Variants in ADA2 observed in about 807,000 individuals in gnomAD.
ADA2 encodes the protein adenosine deaminase CECR1.
ADA2 carries 29 observed loss-of-function variants against 44.2 expected under a neutral mutation model. The observed-to-expected ratio is 0.66, with a 90% CI of 0.49 to 0.89. The LOEUF is 0.89. ADA2 is among the 40% of genes least tolerant of loss of function. ADA2 has a pLI of 0.00. For missense variants in ADA2, 637 were observed against 644.8 expected (o/e 0.99, Z 0.13); for synonymous variants, 215 against 234.9 (o/e 0.92, Z 0.77).
intron 1 of ADA2, among the ~76,000 whole-genome samples, chr22:17,218,963 C>T (rs1297143089): frequency 6.6e-6 from 1 of 152,148 alleles, no homozygotes; most frequent in Non-Finnish European, 1.5e-5. Flanking sequence ...TCAAGACCAG[C>T]CTGGCCAACA....
intron 4 of ADA2, chr22:17,193,061 C>T: frequency 2.4e-6 from 2 of 824,824 alleles, no homozygotes; most frequent in Non-Finnish European, 4.0e-6. Context: ...AGGGCCAGAT[C>T]TCGATGCCCA....
At chr22:17,216,661 G>A (rs1175118959) in intron 1 of ADA2, among the ~76,000 whole-genome samples, 1 of 151,780 alleles carries the variant, frequency 6.6e-6, no homozygotes, top group East Asian at 1.9e-4. Context: ...TTGGGAGGCT[G>A]AGGCAGGAAA....
intron 1 of ADA2, among the ~76,000 whole-genome samples, chr22:17,210,491 G>T (rs942398699): frequency 6.6e-5 from 10 of 151,864 alleles, no homozygotes; most frequent in African/African-American, 2.2e-4. Context: ...CGCCCGGCAG[G>T]TTTTCCCAAA....
At chr22:17,204,742 C>G (rs968783474) in intron 3 of ADA2, among the ~76,000 whole-genome samples, 1 of 151,930 alleles carries the variant, frequency 6.6e-6, no homozygotes, top group African/African-American at 2.4e-5. Context: ...CCTGCCCTGG[C>G]ACCTTGATCT....
chr22:17,183,770 C>T (rs1440942121), intron 7 of ADA2, among the ~76,000 whole-genome samples: 1 of 151,768 alleles, frequency 6.6e-6, no homozygotes, highest in African/African-American at 2.4e-5. Flanking sequence ...CTCTGGGACT[C>T]TTATGCTTAT....
chr22:17,200,882 C>CAAA (rs3078427), intron 4 of ADA2, among the ~76,000 whole-genome samples: 176 of 119,284 alleles, frequency 1.5e-3, no homozygotes, highest in African/African-American at 5.2e-3. Context: ...AACTCTGCCT[C>CAAA]AAAAAAAAAA....
rs1295634091 is a variant in ADA2 at position 17,180,478 on chromosome 22, C to G, written c.*1005G>C. On this transcript the variant is annotated 3_prime_UTR_variant, in exon 10 of 10. Transcript: ENST00000399837. ...ACTGCGTGGAATGGATGGAGGTGTC[C>G]TTCACCAGCTATGGGAAAGGCCAGG... The G allele has an allele frequency of 6.6e-6, 1 of 152,262 alleles. No homozygotes were observed. The highest frequency in any genetic ancestry group is 2.4e-5 in the African/African-American group (1 of 41,412). 9.4% of individuals were successfully genotyped at this position (152,262 alleles called of 1,614,324 possible).
In ADA2 at chr22:17,184,983, AATATATATATAT is replaced by A. The variant is rs374170344; in HGVS notation, c.1082-2234_1082-2223del. On this transcript the variant is annotated intron_variant, in intron 7 of 9. Transcript: ENST00000399837. ...CTGGGTGACAGAGTGCCCATGTCAAAATATATATATATATATATATATATGAAAACTCCACTT... is the reference window on the plus strand; with the variant it reads ...CTGGGTGACAGAGTGCCCATGTCAAAATATATATATATGAAAACTCCACTT... Among the ~76,000 whole-genome samples, 486 of 78,744 alleles carry A rather than the reference AATATATATATAT, an allele frequency of 6.2e-3. 32 individuals are homozygous for A. The highest frequency in any genetic ancestry group is 9.2e-3 in the Non-Finnish European group (353 of 38,304). 51.7% of individuals were successfully genotyped at this position (78,744 alleles called of 152,430 possible). A position where few individuals can be genotyped will look rare whatever the true frequency, so the allele number is the denominator to read the frequency against.
intron 5 of ADA2, among the ~76,000 whole-genome samples, chr22:17,190,457 C>T (rs1164053861): frequency 2.0e-5 from 3 of 152,230 alleles, no homozygotes; most frequent in Non-Finnish European, 2.9e-5. Context: ...ACCCAAGTCC[C>T]TGATGGGTCG....
intron 6 of ADA2, chr22:17,188,681 C>T: frequency 3.1e-6 from 1 of 323,198 alleles, no homozygotes; most frequent in Non-Finnish European, 5.8e-6. Context: ...AGATCGAGAC[C>T]ATCCTGGCTA....
intron 7 of ADA2, among the ~76,000 whole-genome samples, chr22:17,186,733 G>A (rs1311752493): frequency 3.3e-5 from 5 of 151,426 alleles, no homozygotes; most frequent in Admixed American, 2.0e-4. Context: ...GCTAGGCATG[G>A]TGGTGCATGC....
chr22:17,181,243 A>C lies in ADA2; in HGVS notation c.*240T>G. 2.0e-6 allele frequency: 1 copy of C among 489,666 alleles called. No individual in the cohort carries two copies. Among genetic ancestry groups the C allele is most frequent in the Non-Finnish European group, 3.7e-6 (1 of 269,718 alleles). The allele number at this position is 489,666 out of a possible 1,614,324, so 30.3% of individuals were successfully genotyped here. On this transcript the variant is annotated 3_prime_UTR_variant, in exon 10 of 10. Coordinates refer to ENST00000399837, the MANE Select transcript of ADA2 (RefSeq NM_001282225.2). ...GATCAGAGAGAGGAGAAGACTCTGA[A>C]ATAGGGAAACTGGAAGAAATGGCCA...
At chr22:17,202,331 T>C (rs1033071283) in intron 4 of ADA2, among the ~76,000 whole-genome samples, 19 of 152,192 alleles carry the variant, frequency 1.2e-4, no homozygotes, top group East Asian at 7.7e-4. Context: ...GGTTTCACCA[T>C]GTTGGCCAGG....
intron 1 of ADA2, among the ~76,000 whole-genome samples, chr22:17,215,343 G>A (rs1433683240): frequency 6.6e-6 from 1 of 151,904 alleles, no homozygotes; most frequent in Non-Finnish European, 1.5e-5. Context: ...GCTTACGCCT[G>A]TAATCCCAGC....
intron 6 of ADA2, among the ~76,000 whole-genome samples, chr22:17,189,268 C>T (rs757053218): frequency 1.3e-5 from 2 of 152,042 alleles, no homozygotes; most frequent in East Asian, 1.9e-4. Flanking sequence ...CCACCTGTCT[C>T]GCCCTCCCAA....
At position 17,209,638 on chromosome 22, in the gene ADA2, A is replaced by G; in HGVS notation, c.40T>C (p.Phe14Leu). The G allele has an allele frequency of 6.2e-7, 1 of 1,614,022 alleles. No homozygotes were observed. Among genetic ancestry groups the G allele is most frequent in the Non-Finnish European group, 8.5e-7 (1 of 1,180,022 alleles). Residue 14 changes from phenylalanine to leucine, a missense_variant, in exon 2 of 10, where the codon TTC becomes CTC. By Grantham distance (22) the Phe-to-Leu change is conservative. Transcript: ENST00000399837. The stretch of plus-strand genomic sequence containing the variant: ...GACATTGCCACAGCCAACAGCAAGA[A>G]GCACAGGGCTGGCCGCTCAGATGGG... The part of the protein sequence containing the change: ...DGPSERPALC[F>L]LLLAVAMSFF...
At chr22:17,199,777 C>T (rs1458033731) in intron 4 of ADA2, 2 of 1,432,096 alleles carry the variant, frequency 1.4e-6, no homozygotes, top group Admixed American at 2.7e-5. Context: ...GCTTTAGTTT[C>T]GACATCAATA....
rs566321113 is a variant in ADA2, at chr22:17,188,292, T to G, written c.1081+47A>C. On this transcript the variant is annotated intron_variant, in intron 7 of 9. Coordinates refer to ENST00000399837, the MANE Select transcript of ADA2 (RefSeq NM_001282225.2). The stretch of plus-strand genomic sequence containing the variant: ...GGCATGGGCCTGTGGCCAGGAGCTC[T>G]CCCATTGACCACCTCCGCTGCCTCT... 309 of 1,401,202 alleles carry G rather than the reference T, an allele frequency of 2.2e-4. 3 individuals carry two copies. The South Asian group carries it at 3.0e-3, about 14-fold the overall frequency. The allele number at this position is 1,401,202 out of a possible 1,614,324, so 86.8% of individuals were successfully genotyped here. A position where few individuals can be genotyped will look rare whatever the true frequency, so the allele number is the denominator to read the frequency against.
upstream of ADA2, among the ~76,000 whole-genome samples, chr22:17,220,158 A>G (rs538552239): frequency 9.8e-5 from 15 of 152,308 alleles, no homozygotes; most frequent in African/African-American, 3.6e-4. Flanking sequence ...GGGGCAACCC[A>G]TTAGACAGAG....
Sources: allele counts gnomAD v4.1 joint callset (sites outside exome capture counted in the v4.1 genomes callset), GRCh38; gene constraint gnomAD v4.1.1; transcripts MANE v1.5; gene names NCBI Gene and HGNC (gene_info 2026-07-23, HGNC 2026-07-21).